The following MINAR1 variants were observed in gnomAD, a reference collection of about 807,000 sequenced individuals.
MINAR1 encodes major intrinsically disordered Notch2-binding receptor 1.
Under a neutral mutation model 65.1 loss-of-function variants are expected in MINAR1, and 40 were observed. That is an observed-to-expected ratio of 0.61 (90% CI 0.48 to 0.80). The LOEUF is 0.80. Among genes scored for constraint, MINAR1 ranks in the 30% least tolerant of loss-of-function variants. The pLI is 0.00. For synonymous variants in MINAR1, 482 were observed against 449.1 expected, an observed-to-expected ratio of 1.07 and a Z score of -0.93; for missense variants, 1,128 against 1,148.0, an observed-to-expected ratio of 0.98 and a Z score of 0.25.
chr15:79,452,756 G>A (rs200470048), intron 1 of MINAR1, among the ~76,000 whole-genome samples: 71 of 123,600 alleles, frequency 5.7e-4, no homozygotes, highest in African/African-American at 1.8e-3. Flanking sequence ...GGGGTGTGTG[G>A]GTGAGTGAAG....
At chr15:79,423,653 C>G in the MINAR1 span, 2 of 152,330 alleles carry the variant, frequency 1.3e-5, no homozygotes, top group East Asian at 3.9e-4. Context: ...CTATGTGTCA[C>G]TCATCTCAGA....
the MINAR1 span, chr15:79,418,344 GTTAT>G: frequency 1.3e-5 from 2 of 152,198 alleles, no homozygotes; most frequent in East Asian, 3.9e-4. Flanking sequence ...AAAAATAGAA[GTTAT>G]TTAAGTAAGA....
At chr15:79,425,759 G>T in the MINAR1 span, 1 of 152,460 alleles carries the variant, frequency 6.6e-6, no homozygotes, top group South Asian at 2.1e-4. Flanking sequence ...CTTGGCCAAG[G>T]TACCAGAGCC....
chr15:79,419,297 G>C, the MINAR1 span: 1 of 152,214 alleles, frequency 6.6e-6, no homozygotes, highest in Non-Finnish European at 1.5e-5. Flanking sequence ...ATAGTTTCTG[G>C]TGTCCTGGAA....
At chr15:79,449,725 C>A (rs555464786) in intron 1 of MINAR1, among the ~76,000 whole-genome samples, 5 of 152,190 alleles carry the variant, frequency 3.3e-5, no homozygotes, top group Non-Finnish European at 7.4e-5. Context: ...TTAAAACTAT[C>A]ACACTGGCAA....
intron 1 of MINAR1, among the ~76,000 whole-genome samples, chr15:79,455,270 A>T (rs1895374793): frequency 6.6e-6 from 1 of 152,140 alleles, no homozygotes; most frequent in Non-Finnish European, 1.5e-5. Flanking sequence ...ATTTTCTTTC[A>T]TTTTTGTTTT....
chr15:79,432,697 A>G (rs1380543787), intron 1 of MINAR1, among the ~76,000 whole-genome samples, 157 bp downstream of exon 1: 1 of 152,006 alleles, frequency 6.6e-6, no homozygotes, highest in Non-Finnish European at 1.5e-5. Context: ...TTGGCCCCGG[A>G]GCATTGCGGG....
rs1896019031 is a variant in MINAR1 at position 79,469,978 on chromosome 15, G to A, written c.*1594G>A. 1 of 152,574 alleles carries A rather than the reference G, an allele frequency of 6.6e-6. No homozygotes were observed. Among genetic ancestry groups the A allele is most frequent in the Admixed American group, 6.5e-5 (1 of 15,274 alleles). 9.5% of individuals were successfully genotyped at this position (152,574 alleles called of 1,614,324 possible). A position where few individuals can be genotyped will look rare whatever the true frequency, so the allele number is the denominator to read the frequency against. Reference sequence around the variant, plus strand: ...TTAGCTTGCTGTGTCTGATTCTGTTGTTCACCATTAAGGGGTAGACAGTTA... The same window carrying A: ...TTAGCTTGCTGTGTCTGATTCTGTTATTCACCATTAAGGGGTAGACAGTTA... On this transcript the variant is annotated 3_prime_UTR_variant, in exon 4 of 4. Coordinates refer to ENST00000305428, the MANE Select transcript of MINAR1 (RefSeq NM_015206.3).
At chr15:79,445,548 T>TTC (rs1894989198) in intron 1 of MINAR1, among the ~76,000 whole-genome samples, 1 of 52,960 alleles carries the variant, frequency 1.9e-5, no homozygotes, top group Non-Finnish European at 3.5e-5. Flanking sequence ...TCTGTGACAG[T>TTC]TATTTTTTTT....
chr15:79,459,781 C>T (rs1895581452), intron 2 of MINAR1, among the ~76,000 whole-genome samples: 1 of 152,180 alleles, frequency 6.6e-6, no homozygotes. Flanking sequence ...CTGGTTACTG[C>T]TGTGTGCTTC....
At chr15:79,452,533 AGT>A (rs1295739355) in intron 1 of MINAR1, among the ~76,000 whole-genome samples, 3 of 142,062 alleles carry the variant, frequency 2.1e-5, no homozygotes, top group Admixed American at 6.9e-5. Context: ...TGACTGGGTG[AGT>A]GTGTGGGTGT....
At chr15:79,442,528 T>G (rs1894898800) in intron 1 of MINAR1, among the ~76,000 whole-genome samples, 1 of 151,020 alleles carries the variant, frequency 6.6e-6, no homozygotes, top group Non-Finnish European at 1.5e-5. Context: ...TCTTAGATAA[T>G]TAACTTAAAG....
intron 1 of MINAR1, among the ~76,000 whole-genome samples, chr15:79,443,565 AT>A (rs1362267807): frequency 2.6e-5 from 4 of 152,136 alleles, no homozygotes; most frequent in Non-Finnish European, 2.9e-5. Context: ...TAAATAATCT[AT>A]TTGAGGTTTT....
At chr15:79,455,574 T>C (rs1003662419) in intron 1 of MINAR1, among the ~76,000 whole-genome samples, 2 of 152,198 alleles carry the variant, frequency 1.3e-5, no homozygotes, top group Non-Finnish European at 1.5e-5. Context: ...CATCCAGGTC[T>C]TGGCAACCAC....
In MINAR1 at chr15:79,456,498, A is replaced by T; in HGVS notation, c.351A>T (p.Ala117=). 6.2e-7 allele frequency: 1 copy of T among 1,614,054 alleles called. No homozygotes were observed. The highest frequency in any genetic ancestry group is 8.5e-7 in the Non-Finnish European group (1 of 1,180,032). Residue 117 remains alanine, a synonymous_variant, in exon 2 of 4, where the codon GCA becomes GCT. Coordinates refer to ENST00000305428, the MANE Select transcript of MINAR1 (RefSeq NM_015206.3). ...TGRQKVRKKE[A]SFESCRSDTE... ...GCCAGAAGGTACGCAAGAAGGAGGC[A>T]TCCTTTGAATCATGTAGGTCGGACA...
chr15:79,431,095 A>G (rs1894425350), upstream of MINAR1, among the ~76,000 whole-genome samples: 1 of 151,934 alleles, frequency 6.6e-6, no homozygotes, highest in African/African-American at 2.4e-5. Flanking sequence ...CTGGCCAGGG[A>G]AAAGCCGCCA....
At chr15:79,429,939 G>A (rs1894399876), upstream of MINAR1, among the ~76,000 whole-genome samples, 1 of 152,156 alleles carries the variant, frequency 6.6e-6, no homozygotes, top group African/African-American at 2.4e-5. Flanking sequence ...TACTGTATCT[G>A]TGTCCACTTG....
intron 1 of MINAR1, among the ~76,000 whole-genome samples, chr15:79,455,449 G>C (rs545397281): frequency 2.6e-5 from 4 of 152,208 alleles, no homozygotes; most frequent in African/African-American, 9.6e-5. Context: ...TTAGAGTCCT[G>C]TGAGTTTTGA....
chr15:79,459,176 C>G (rs1895550625), intron 2 of MINAR1, among the ~76,000 whole-genome samples: 1 of 151,288 alleles, frequency 6.6e-6, no homozygotes, highest in East Asian at 1.9e-4. Context: ...AAGACTGTCT[C>G]AAGAAAAAAA....
Sources: allele counts gnomAD v4.1 joint callset (sites outside exome capture counted in the v4.1 genomes callset), GRCh38; gene constraint gnomAD v4.1.1; transcripts MANE v1.5; gene names NCBI Gene and HGNC (gene_info 2026-07-23, HGNC 2026-07-21).